The following PRMT8 variants were observed in gnomAD, a reference collection of about 807,000 sequenced individuals.
PRMT8 encodes the protein protein arginine N-methyltransferase 8.
A neutral mutation model predicts 47.1 loss-of-function variants in PRMT8; 7 were observed. That is an observed-to-expected ratio of 0.15 (90% confidence interval 0.08 to 0.28). The LOEUF is 0.28. PRMT8 is among the 10% of genes least tolerant of loss of function. PRMT8 has a pLI of 1.00. For synonymous variants in PRMT8, 188 were observed against 186.5 expected, an observed-to-expected ratio of 1.01 and a Z score of -0.07; for missense variants, 237 against 505.4, an observed-to-expected ratio of 0.47 and a Z score of 5.09.
chr12:3,398,943 A>G (rs113871653), intron 1 of PRMT8, among the ~76,000 whole-genome samples: 4 of 152,328 alleles, frequency 2.6e-5, no homozygotes, highest in African/African-American at 9.6e-5. Context: ...GATGGAGATG[A>G]AAGTCCATGT....
At chr12:3,419,944 G>T (rs1864522228) in intron 1 of PRMT8, among the ~76,000 whole-genome samples, 3 of 148,284 alleles carry the variant, frequency 2.0e-5, no homozygotes, top group Non-Finnish European at 3.0e-5. Context: ...TCACAGGAAT[G>T]GGGGGGTGGT....
intron 1 of PRMT8, among the ~76,000 whole-genome samples, chr12:3,402,421 G>T (rs550929367): frequency 1.3e-5 from 2 of 152,312 alleles, no homozygotes; most frequent in East Asian, 3.9e-4. Context: ...CAGGGGCAAA[G>T]ATTTCATGAT....
chr12:3,585,345 CTTTTTTTTTTTTTTTT>C (rs71061123), intron 8 of PRMT8, among the ~76,000 whole-genome samples: 4 of 45,772 alleles, frequency 8.7e-5, no homozygotes, highest in Admixed American at 4.2e-4. Flanking sequence ...GAAAATGATG[CTTTTTTTTTTTTTTTT>C]TTTTTTTTTT....
chr12:3,478,531 A>G (rs191806378), intron 1 of PRMT8, among the ~76,000 whole-genome samples: 8 of 152,200 alleles, frequency 5.3e-5, no homozygotes, highest in Admixed American at 1.3e-4. Context: ...CTCAGATGAC[A>G]TGAAAGGAGA....
chr12:3,481,464 C>G (rs986240988), intron 1 of PRMT8, among the ~76,000 whole-genome samples: 5 of 152,152 alleles, frequency 3.3e-5, no homozygotes, highest in African/African-American at 1.2e-4. Flanking sequence ...GGGCGCTTCT[C>G]CAGGAGCCTT....
At chr12:3,471,866 C>G (rs1044992951) in intron 1 of PRMT8, among the ~76,000 whole-genome samples, 4 of 151,678 alleles carry the variant, frequency 2.6e-5, no homozygotes, top group African/African-American at 9.7e-5. Flanking sequence ...CAAAGATGGG[C>G]TTTTTTGCCC....
chr12:3,447,731 T>C (rs1864873464), intron 1 of PRMT8, among the ~76,000 whole-genome samples: 1 of 152,214 alleles, frequency 6.6e-6, no homozygotes, highest in African/African-American at 2.4e-5. Context: ...GGAATTTCAG[T>C]CATGATTACA....
chr12:3,445,549 C>T (rs7961141), intron 1 of PRMT8, among the ~76,000 whole-genome samples: 111,418 of 152,052 alleles, frequency 0.73, 41,618 homozygotes, highest in East Asian at 0.96. Flanking sequence ...GTGTTTCAGC[C>T]ACTGACTTCA....
intron 1 of PRMT8, among the ~76,000 whole-genome samples, chr12:3,441,531 T>C (rs1864802129): frequency 6.6e-6 from 1 of 152,186 alleles, no homozygotes; most frequent in African/African-American, 2.4e-5. Context: ...TTGGGCCTCA[T>C]ACCCTGTGTC....
chr12:3,393,716 T>A (rs1249046822), intron 1 of PRMT8, among the ~76,000 whole-genome samples: 1 of 134,620 alleles, frequency 7.4e-6, no homozygotes, highest in East Asian at 2.2e-4. Context: ...TGGTTCCATA[T>A]GAACTTTAAA....
chr12:3,394,389 A>G (rs1216711212), intron 1 of PRMT8, among the ~76,000 whole-genome samples: 1 of 152,120 alleles, frequency 6.6e-6, no homozygotes, highest in East Asian at 1.9e-4. Flanking sequence ...CGTCCCATCA[A>G]TACCTAATTT....
intron 1 of PRMT8, among the ~76,000 whole-genome samples, chr12:3,441,579 G>A (rs1468294300): frequency 1.3e-5 from 2 of 152,180 alleles, no homozygotes; most frequent in African/African-American, 4.8e-5. Context: ...CACAGAGGGT[G>A]CTCCGTGCTC....
chr12:3,552,898 G>C lies in PRMT8; in HGVS notation c.418-753G>C, dbSNP rs1866449506. ...GTAAGAGAGCCGGCTCCGGAGGTGA[G>C]GACGGCTCTTGGCAGCTGCCCCTCC... On this transcript the variant is annotated intron_variant, in intron 3 of 9. Transcript: ENST00000382622. This position sits in a 1 kb window ranked among gnomAD's most constrained non-coding sequence, Gnocchi z 4.5. The C allele has an allele frequency of 2.5e-6, 1 of 397,106 alleles. No individual in the cohort carries two copies. Among genetic ancestry groups the C allele is most frequent in the Non-Finnish European group, 5.1e-6 (1 of 196,400 alleles). The allele number at this position is 397,106 out of a possible 1,614,324, so 24.6% of individuals were successfully genotyped here.
intron 1 of PRMT8, among the ~76,000 whole-genome samples, chr12:3,524,642 TAAA>T (rs34644466): frequency 4.5e-5 from 4 of 89,284 alleles, no homozygotes; most frequent in Non-Finnish European, 4.5e-5. Context: ...CAAGACAATC[TAAA>T]AAAAAAAAAA....
chr12:3,489,144 C>T (rs548926993), upstream of PRMT8, among the ~76,000 whole-genome samples: 2 of 152,268 alleles, frequency 1.3e-5, no homozygotes, highest in South Asian at 4.2e-4. Flanking sequence ...ATCTCAGCCT[C>T]TCCACTCCCC....
intron 1 of PRMT8, among the ~76,000 whole-genome samples, chr12:3,406,162 T>G (rs1415765284): frequency 5.3e-5 from 8 of 152,236 alleles, no homozygotes; most frequent in Non-Finnish European, 1.0e-4. Context: ...TTTGAAGCAA[T>G]GGCTTGAGCT....
chr12:3,455,082 G>A lies in PRMT8; in HGVS notation c.48+73640G>A, dbSNP rs367676949. ...AAAGACTCCAGCCCAGAAATCCTGG[G>A]GGAGATGGAGTTTGGGGGCTCCTCC... On this transcript the variant is annotated intron_variant, in intron 1 of 9. Coordinates refer to the PRMT8 transcript ENST00000452611. Among the ~76,000 whole-genome samples, 325 of 152,274 alleles carry A rather than the reference G, an allele frequency of 2.1e-3. 1 individual carries two copies. Among genetic ancestry groups the A allele is most frequent in the African/African-American group, 7.7e-3 (320 of 41,538 alleles).
intron 1 of PRMT8, among the ~76,000 whole-genome samples, chr12:3,408,539 G>A (rs1346475160): frequency 3.3e-5 from 5 of 152,150 alleles, no homozygotes; most frequent in South Asian, 2.1e-4. Flanking sequence ...ACCCAACTGA[G>A]CTTTCTTAAG....
rs2137176577 is a variant in PRMT8, at chr12:3,550,499, C to G, written c.417+408C>G. On this transcript the variant is annotated intron_variant, in intron 3 of 9. Coordinates refer to ENST00000382622, the MANE Select transcript of PRMT8 (RefSeq NM_019854.5). The surrounding 1 kb of genome is among the most constrained non-coding windows in gnomAD (Gnocchi z 5.1). ...TCCCTGCACCTCACTTTTTCTCCAT[C>G]TATAAAATGAGCTTAATAGCAGTCC... 1 of 190,978 alleles carries G rather than the reference C, an allele frequency of 5.2e-6. No individual in the cohort carries two copies. The highest frequency in any genetic ancestry group is 1.3e-4 in the South Asian group (1 of 7,838). The allele number at this position is 190,978 out of a possible 1,614,324, so 11.8% of individuals were successfully genotyped here.
Sources: gnomAD v4.1 joint callset for allele counts (sites outside exome capture counted in the v4.1 genomes callset) on GRCh38, gnomAD v4.1.1 for gene constraint, Gnocchi (gnomAD v3.1) non-coding constraint, MANE v1.5 for transcripts, NCBI Gene and HGNC (gene_info 2026-07-23, HGNC 2026-07-21) for gene names.